The following TAFA5 variants were observed in gnomAD, a reference collection of about 807,000 sequenced individuals.
The protein encoded by TAFA5 is chemokine-like protein TAFA-5.
TAFA5 carries 6 observed loss-of-function variants against 15.3 expected under a neutral mutation model. The ratio of observed to expected loss-of-function variants is 0.39; its 90% confidence interval spans 0.21 to 0.77. The LOEUF is 0.77. TAFA5 is among the 30% of genes least tolerant of loss of function. TAFA5 has a pLI of 0.41. For synonymous variants in TAFA5, 103 were observed against 80.7 expected, an observed-to-expected ratio of 1.28 and a Z score of -1.48; for missense variants, 161 against 193.1, an observed-to-expected ratio of 0.83 and a Z score of 0.98.
rs115834263 is a variant in TAFA5 at position 48,600,423 on chromosome 22, C to T, written c.113-46174C>T. 2.9e-3 allele frequency among the ~76,000 whole-genome samples: 447 copies of T among 152,266 alleles called. 2 individuals are homozygous for T. Among genetic ancestry groups the T allele is most frequent in the African/African-American group, 0.01 (431 of 41,556 alleles). ...ACCAGCTCTGGGACATGAAGGGGCC[C>T]GAGGCAGCCCTTGTGGCCACACGGG... On this transcript the variant is annotated intron_variant, in intron 1 of 3. Transcript: ENST00000402357.
At chr22:48,707,999 C>T (rs1929135860) in intron 3 of TAFA5, among the ~76,000 whole-genome samples, 155 bp downstream of exon 3, 1 of 152,162 alleles carries the variant, frequency 6.6e-6, no homozygotes, top group African/African-American at 2.4e-5. Flanking sequence ...CCACCTCCCT[C>T]TCTGGTGCTA....
At chr22:48,708,895 GC>G (rs1929165375) in intron 3 of TAFA5, among the ~76,000 whole-genome samples, 1 of 152,208 alleles carries the variant, frequency 6.6e-6, no homozygotes, top group African/African-American at 2.4e-5. Context: ...AGAGGGCTCG[GC>G]TGGGCTGTTC....
chr22:48,576,511 G>A, intron 1 of TAFA5: 1 of 1,508,032 alleles, frequency 6.6e-7, no homozygotes, highest in Non-Finnish European at 8.9e-7. Flanking sequence ...CTGGGCACTG[G>A]CAGGGGCCGC....
intron 2 of TAFA5, among the ~76,000 whole-genome samples, chr22:48,705,208 G>A (rs777320804): frequency 2.6e-5 from 4 of 152,110 alleles, no homozygotes; most frequent in Admixed American, 6.5e-5. Context: ...GCTGGTGGAC[G>A]CCTGCCTCCC....
rs137983125 is a variant in TAFA5, at chr22:48,674,469, A to G, written c.262+27723A>G. Among the ~76,000 whole-genome samples, 4 of 152,240 alleles carry G rather than the reference A, an allele frequency of 2.6e-5. No homozygotes were observed. The East Asian group carries it at 7.7e-4, about 29-fold the overall frequency. On this transcript the variant is annotated intron_variant, in intron 2 of 3. Transcript: ENST00000402357. ...GCTTTATCTGAGTGACCTTTCAGGT[A>G]CGTCCCTCCTCAGCCTTCGAGTTAC...
chr22:48,741,022 G>A (rs1406252308), intron 3 of TAFA5, among the ~76,000 whole-genome samples: 2 of 152,108 alleles, frequency 1.3e-5, no homozygotes, highest in Non-Finnish European at 2.9e-5. Flanking sequence ...CAACGTCCCC[G>A]AGGATGTAGG....
intron 3 of TAFA5, among the ~76,000 whole-genome samples, chr22:48,715,810 A>C (rs980942930): frequency 6.6e-6 from 1 of 152,238 alleles, no homozygotes; most frequent in Non-Finnish European, 1.5e-5. Context: ...GTGAGTCTGG[A>C]TGCTGTTGAT....
chr22:48,625,391 G>A (rs182473116), intron 1 of TAFA5, among the ~76,000 whole-genome samples: 7 of 152,140 alleles, frequency 4.6e-5, no homozygotes, highest in South Asian at 2.1e-4. Flanking sequence ...GTTGCCTGTC[G>A]GTAAACTCCC....
rs1923198880 is a variant in TAFA5, at chr22:48,560,594, T to TTA, written c.112+70892_112+70893dup. Among the ~76,000 whole-genome samples the TTA allele has an allele frequency of 6.7e-6, 1 of 148,758 alleles. No homozygotes were observed. Among genetic ancestry groups the TTA allele is most frequent in the African/African-American group, 2.5e-5 (1 of 40,806 alleles). ...TATTATTATTATTATTATTATTATA[T>TTA]TATTATTATTAATTATTTATTTATT... is the stretch of plus-strand genomic sequence containing the variant. On this transcript the variant is annotated intron_variant, in intron 1 of 3. Coordinates refer to ENST00000402357, the MANE Select transcript of TAFA5 (RefSeq NM_001082967.3). The surrounding 1 kb of genome is among the most constrained non-coding windows in gnomAD (Gnocchi z 4.2).
At position 48,615,621 on chromosome 22, in the gene TAFA5, C is replaced by T. The variant is rs539206616; in HGVS notation, c.113-30976C>T. ...CTGCGGTTTATGAGGACATCCCCCA[C>T]GGGTCCTTCTGGCCCCTGTTCCACA... On this transcript the variant is annotated intron_variant, in intron 1 of 3. Coordinates refer to ENST00000402357, the MANE Select transcript of TAFA5 (RefSeq NM_001082967.3). Among the ~76,000 whole-genome samples, 13 of 152,308 alleles carry T rather than the reference C, an allele frequency of 8.5e-5. 1 individual carries two copies. The highest frequency in any genetic ancestry group is 4.1e-4 in the South Asian group (2 of 4,828).
At chr22:48,542,638 A>ATG (rs1555886629) in intron 1 of TAFA5, among the ~76,000 whole-genome samples, 6 of 84,878 alleles carry the variant, frequency 7.1e-5, no homozygotes, top group African/African-American at 1.5e-4. Context: ...TGGGTGTGTG[A>ATG]TGTGTGTGTG....
At chr22:48,601,685 C>T (rs1423171554) in intron 1 of TAFA5, among the ~76,000 whole-genome samples, 2 of 152,158 alleles carry the variant, frequency 1.3e-5, no homozygotes, top group African/African-American at 4.8e-5. Context: ...TGCAAAGCAG[C>T]ATTCTGTGAA....
At chr22:48,700,429 C>T (rs1002267059) in intron 2 of TAFA5, among the ~76,000 whole-genome samples, 7 of 151,992 alleles carry the variant, frequency 4.6e-5, no homozygotes, top group Non-Finnish European at 1.0e-4. Flanking sequence ...CAGAGCAGGC[C>T]GGCAGGGGCT....
intron 3 of TAFA5, among the ~76,000 whole-genome samples, chr22:48,728,064 ATAC>A (rs1175628876): frequency 1.3e-5 from 2 of 152,256 alleles, no homozygotes; most frequent in African/African-American, 4.8e-5. Context: ...GATCTTTTGA[ATAC>A]TACAATTAAC....
At chr22:48,507,032 G>A (rs987379264) in intron 1 of TAFA5, among the ~76,000 whole-genome samples, 1 of 152,222 alleles carries the variant, frequency 6.6e-6, no homozygotes, top group African/African-American at 2.4e-5. Context: ...CGAGCAAGGG[G>A]ACAGCCGCCA....
chr22:48,562,733 G>A (rs112495883), intron 1 of TAFA5, among the ~76,000 whole-genome samples: 14,781 of 152,174 alleles, frequency 0.097, 1,197 homozygotes, highest in East Asian at 0.22. Flanking sequence ...AGGCCCCCAC[G>A]CCCAGTCTCT....
At chr22:48,564,357 G>T (rs2147134283) in intron 1 of TAFA5, among the ~76,000 whole-genome samples, 1 of 152,372 alleles carries the variant, frequency 6.6e-6, no homozygotes, top group Non-Finnish European at 1.5e-5. Context: ...GGTTGGTCCT[G>T]AGTTGGGACG....
At chr22:48,736,135 G>A (rs56051812) in intron 3 of TAFA5, among the ~76,000 whole-genome samples, 1 of 78,644 alleles carries the variant, frequency 1.3e-5, no homozygotes, top group Non-Finnish European at 2.4e-5. Context: ...CCCCCCAGGA[G>A]GAATGAGAAT....
chr22:48,614,337 A>C (rs1208887092), intron 1 of TAFA5, among the ~76,000 whole-genome samples: 6 of 152,254 alleles, frequency 3.9e-5, no homozygotes, highest in African/African-American at 1.4e-4. Flanking sequence ...TGCTTAAAAA[A>C]TTGCTAAATG....
Sources: allele counts gnomAD v4.1 joint callset (sites outside exome capture counted in the v4.1 genomes callset), GRCh38; gene constraint gnomAD v4.1.1; non-coding constraint Gnocchi (gnomAD v3.1); transcripts MANE v1.5; gene names NCBI Gene and HGNC (gene_info 2026-07-23, HGNC 2026-07-21).